The following CLIP1 variants were observed in gnomAD, a reference collection of about 807,000 sequenced individuals.
The protein encoded by CLIP1 is CAP-Gly domain-containing linker protein 1.
In CLIP1, 66 loss-of-function variants were observed where a neutral mutation model predicts 161.6. That is an observed-to-expected ratio of 0.41 (90% CI 0.33 to 0.50). CLIP1 has a LOEUF of 0.50. Ranked by LOEUF, CLIP1 falls within the 20% of genes least tolerant of loss-of-function variation. The probability of loss-of-function intolerance (pLI) is 0.27; values close to 1 mark genes in which losing one functional copy is unlikely to be tolerated. For synonymous variants in CLIP1, 598 were observed against 626.2 expected, an observed-to-expected ratio of 0.96 and a Z score of 0.67; for missense variants, 1,376 against 1,702.0, an observed-to-expected ratio of 0.81 and a Z score of 3.37.
At chr12:122,345,199 G>A (rs1239752518) in intron 10 of CLIP1, among the ~76,000 whole-genome samples, 1 of 149,234 alleles carries the variant, frequency 6.7e-6, no homozygotes, top group African/African-American at 2.5e-5. Context: ...TTTTGAAACA[G>A]GGTCTTGCTC....
chr12:122,417,108 C>T (rs1309479999), intron 1 of CLIP1, among the ~76,000 whole-genome samples: 1 of 151,526 alleles, frequency 6.6e-6, no homozygotes, highest in African/African-American at 2.4e-5. Context: ...ATCAGCCTGG[C>T]CAACATGGTG....
intron 24 of CLIP1, 65 bp downstream of exon 24, chr12:122,278,088 TA>T: frequency 1.4e-6 from 2 of 1,457,398 alleles, no homozygotes; most frequent in Non-Finnish European, 9.5e-7. Flanking sequence ...AGAAGGAAAA[TA>T]AACGAAAAGA....
chr12:122,375,865 T>C (rs1954700960), intron 3 of CLIP1, among the ~76,000 whole-genome samples: 1 of 151,802 alleles, frequency 6.6e-6, no homozygotes, highest in Admixed American at 6.6e-5. Context: ...ATAATCATAG[T>C]TCCCTGCAGC....
At chr12:122,310,304 G>C (rs181377656) in intron 19 of CLIP1, among the ~76,000 whole-genome samples, 5 of 152,324 alleles carry the variant, frequency 3.3e-5, no homozygotes, top group African/African-American at 1.2e-4. Flanking sequence ...TAACTGCACA[G>C]ATCTATAATT....
chr12:122,297,443 C>A (rs141254735), intron 20 of CLIP1, among the ~76,000 whole-genome samples: 1 of 152,226 alleles, frequency 6.6e-6, no homozygotes, highest in East Asian at 1.9e-4. Flanking sequence ...ACTGTGTGAA[C>A]GAATGTGTCA....
chr12:122,401,834 C>A (rs896272828), intron 1 of CLIP1, among the ~76,000 whole-genome samples: 1 of 151,058 alleles, frequency 6.6e-6, no homozygotes, highest in Admixed American at 6.6e-5. Flanking sequence ...CCAGTCTCCA[C>A]TAACAATACA....
chr12:122,298,003 T>C (rs1463818454), intron 20 of CLIP1, among the ~76,000 whole-genome samples: 2 of 152,202 alleles, frequency 1.3e-5, no homozygotes, highest in African/African-American at 4.8e-5. Context: ...TTGGGACGAA[T>C]CTGCATGGCC....
intron 2 of CLIP1, among the ~76,000 whole-genome samples, chr12:122,379,892 C>T (rs189460273): frequency 3.5e-3 from 504 of 143,728 alleles, no homozygotes; most frequent in African/African-American, 0.012. Flanking sequence ...TGCAGTGAGC[C>T]GAGATTGTGC....
At chr12:122,332,919 C>G in intron 15 of CLIP1, 68 bp downstream of exon 15, 1 of 1,303,338 alleles carries the variant, frequency 7.7e-7, no homozygotes, top group Non-Finnish European at 1.1e-6. Flanking sequence ...ATTTTGTCTC[C>G]CCTCCCACCT....
At chr12:122,315,630 G>T (rs892038982) in intron 19 of CLIP1, among the ~76,000 whole-genome samples, 1 of 115,080 alleles carries the variant, frequency 8.7e-6, no homozygotes, top group Non-Finnish European at 1.8e-5. Context: ...CATGCCAGAC[G>T]GTTTGATTCC....
chr12:122,368,992 A>G (rs1954300512), intron 3 of CLIP1, among the ~76,000 whole-genome samples: 1 of 151,906 alleles, frequency 6.6e-6, no homozygotes, highest in Non-Finnish European at 1.5e-5. Context: ...TGCCTGTGAC[A>G]TGAAAGAGCC....
chr12:122,345,063 AT>A (rs1039953183), intron 10 of CLIP1, among the ~76,000 whole-genome samples: 3 of 151,594 alleles, frequency 2.0e-5, no homozygotes, highest in South Asian at 2.1e-4. Context: ...TTTTAAAAAA[AT>A]ATATTACTTC....
intron 20 of CLIP1, among the ~76,000 whole-genome samples, chr12:122,298,707 C>T (rs1593008066): frequency 1.3e-5 from 2 of 152,138 alleles, no homozygotes; most frequent in African/African-American, 4.8e-5. Flanking sequence ...GTAATCCCAG[C>T]ATTTTGGGAG....
At chr12:122,406,346 G>A (rs549165461) in intron 1 of CLIP1, among the ~76,000 whole-genome samples, 1 of 152,208 alleles carries the variant, frequency 6.6e-6, no homozygotes, top group South Asian at 2.1e-4. Flanking sequence ...GTGAGACCTT[G>A]TCTCAAACAA....
chr12:122,355,501 A>G lies in CLIP1; in HGVS notation c.1006-189T>C. 1.7e-6 allele frequency: 1 copy of G among 588,716 alleles called. No individual in the cohort carries two copies. Among genetic ancestry groups the G allele is most frequent in the Non-Finnish European group, 3.0e-6 (1 of 329,096 alleles). The allele number at this position is 588,716 out of a possible 1,614,324, so 36.5% of individuals were successfully genotyped here. On this transcript the variant is annotated intron_variant, in intron 5 of 25. Coordinates refer to ENST00000620786, the MANE Select transcript of CLIP1 (RefSeq NM_001247997.2). This position sits in a 1 kb window ranked among gnomAD's most constrained non-coding sequence, Gnocchi z 4.1. ...TGTGCCTTCTGTCTATAAATCTCAC[A>G]AAGAATACATCAACGTAAAGAGATC...
At chr12:122,416,403 CA>C (rs1956757527) in intron 1 of CLIP1, among the ~76,000 whole-genome samples, 1 of 152,084 alleles carries the variant, frequency 6.6e-6, no homozygotes, top group African/African-American at 2.4e-5. Flanking sequence ...GACTTTTAGG[CA>C]AATTAGGGAA....
intron 1 of CLIP1, among the ~76,000 whole-genome samples, chr12:122,407,292 ACTT>A (rs1956359098): frequency 6.6e-6 from 1 of 152,220 alleles, no homozygotes; most frequent in African/African-American, 2.4e-5. Context: ...GGTCATACTT[ACTT>A]AACAGTCTAG....
At chr12:122,281,119 G>A (rs1955626947) in intron 21 of CLIP1, among the ~76,000 whole-genome samples, 1 of 152,186 alleles carries the variant, frequency 6.6e-6, no homozygotes, top group Non-Finnish European at 1.5e-5. Flanking sequence ...TATAAGTGTT[G>A]TATTTATCTC....
rs146788866 is a variant in CLIP1, at chr12:122,382,603, T to G, written c.-106-2045A>C. 3.7e-3 allele frequency among the ~76,000 whole-genome samples: 553 copies of G among 151,160 alleles called. 4 individuals carry two copies. Among genetic ancestry groups the G allele is most frequent in the African/African-American group, 0.012 (513 of 41,250 alleles). On this transcript the variant is annotated intron_variant, in intron 1 of 25. Coordinates refer to ENST00000620786, the MANE Select transcript of CLIP1 (RefSeq NM_001247997.2). Reference sequence around the variant, plus strand: ...GGTACACACCTGTAATCCCAGGTACTCAGGTGGCAGGAGAATTGGCTGAAC... The same window carrying G: ...GGTACACACCTGTAATCCCAGGTACGCAGGTGGCAGGAGAATTGGCTGAAC...
Sources: gnomAD v4.1 joint callset for allele counts (sites outside exome capture counted in the v4.1 genomes callset) on GRCh38, gnomAD v4.1.1 for gene constraint, Gnocchi (gnomAD v3.1) non-coding constraint, MANE v1.5 for transcripts, NCBI Gene and HGNC (gene_info 2026-07-23, HGNC 2026-07-21) for gene names.